The following COL5A3 variants were observed in gnomAD, a reference collection of about 807,000 sequenced individuals.
COL5A3 encodes the protein collagen alpha-3(V) chain.
Under a neutral mutation model 250.0 loss-of-function variants are expected in COL5A3, and 172 were observed. The observed-to-expected ratio is 0.69, with a 90% confidence interval of 0.61 to 0.78. The LOEUF (loss-of-function observed/expected upper bound fraction) is 0.78. Ranked by LOEUF, COL5A3 falls within the 30% of genes least tolerant of loss-of-function variation. COL5A3 has a pLI of 0.00. For synonymous variants in COL5A3, 937 were observed against 900.4 expected, an observed-to-expected ratio of 1.04 and a Z score of -0.73; for missense variants, 2,340 against 2,334.4, an observed-to-expected ratio of 1.00 and a Z score of -0.05.
At chr19:9,977,763 T>TCCA in intron 41 of COL5A3, 62 bp from the exon 42 acceptor site, 1 of 1,318,074 alleles carries the variant, frequency 7.6e-7, no homozygotes, top group Non-Finnish European at 1.0e-6. Flanking sequence ...ATGGAGGGTT[T>TCCA]TTAAGCCACC....
intron 27 of COL5A3, among the ~76,000 whole-genome samples, chr19:9,988,855 A>AGAG (rs1555738984): frequency 2.9e-5 from 3 of 104,766 alleles, no homozygotes; most frequent in African/African-American, 1.3e-4. Context: ...AAAAAAAAAA[A>AGAG]AAAGAAAGTA....
chr19:9,979,952 T>A, intron 36 of COL5A3, 42 bp downstream of exon 36: 3 of 1,576,240 alleles, frequency 1.9e-6, no homozygotes, highest in Non-Finnish European at 2.6e-6. Context: ...CCTTCCCACA[T>A]CCTCCACCCA....
Position 9,970,689 on chromosome 19 carries a change from G to T in COL5A3, c.3883-14C>A. On this transcript the variant is annotated splice_polypyrimidine_tract_variant and intron_variant, in intron 53 of 66. Coordinates refer to ENST00000264828, the MANE Select transcript of COL5A3 (RefSeq NM_015719.4). ...TCCAGGCGGACCCTGGAGGAGACAA[G>T]GACACCAGCTGTGGTCTCAGCTAAC... is the stretch of plus-strand genomic sequence containing the variant. 7.0e-7 allele frequency: 1 copy of T among 1,425,410 alleles called. No individual in the cohort carries two copies. Among genetic ancestry groups the T allele is most frequent in the Non-Finnish European group, 9.2e-7 (1 of 1,088,418 alleles). 88.3% of individuals were successfully genotyped at this position (1,425,410 alleles called of 1,614,324 possible). A position where few individuals can be genotyped will look rare whatever the true frequency, so the allele number is the denominator to read the frequency against.
At chr19:9,970,017 G>C in intron 54 of COL5A3, 95 bp from the exon 55 acceptor site, 4 of 849,544 alleles carry the variant, frequency 4.7e-6, no homozygotes, top group Non-Finnish European at 7.7e-6. Flanking sequence ...TGGATGAGTG[G>C]GGTCTGTAAG....
At chr19:9,967,487 A>G in intron 61 of COL5A3, 87 bp from the exon 62 acceptor site, 1 of 824,928 alleles carries the variant, frequency 1.2e-6, no homozygotes, top group Non-Finnish European at 1.9e-6. Flanking sequence ...ACACACTCAC[A>G]CACACACTCA....
Position 9,969,880 on chromosome 19 carries a change from T to C in COL5A3, c.3979A>G (p.Lys1327Glu), listed in dbSNP as rs1404858520. The change falls in exon 55 of 67, where the codon AAA (lysine) becomes GAA (glutamate). Residue 1327 changes from lysine to glutamate, a missense_variant. Lys to Glu is a moderately conservative substitution (Grantham distance 56). This residue lies in a region of COL5A3 where 1,179 missense variants were observed against 1,162.6 expected (regional missense o/e 1.01). Transcript: ENST00000264828. The stretch of plus-strand genomic sequence containing the variant: ...CCAGGGGGACTCACCTTGGCACCTT[T>C]CTCCCCTTCTCTGCCTTCTCGACCC... Reference protein sequence around the residue: ...HMGREGREGEKGAKGEPGPDG... With the variant: ...HMGREGREGEEGAKGEPGPDG... The C allele has an allele frequency of 6.8e-6, 11 of 1,613,546 alleles. No homozygotes were observed. The highest frequency in any genetic ancestry group is 1.3e-5 in the African/African-American group (1 of 74,794).
chr19:10,008,156 C>T (rs1255798345), intron 1 of COL5A3, among the ~76,000 whole-genome samples: 1 of 152,122 alleles, frequency 6.6e-6, no homozygotes, highest in Admixed American at 6.5e-5. Flanking sequence ...TGCCCCATCT[C>T]AGCCTGGGGC....
Position 10,010,409 on chromosome 19 carries a change from C to G in COL5A3, c.-24G>C. ...ATCCCGGCGGGGCCCACGGGCAAGGCGGGGAACCAGTCGGGGCGGCTGCGG... is the reference window on the plus strand; with the variant it reads ...ATCCCGGCGGGGCCCACGGGCAAGGGGGGGAACCAGTCGGGGCGGCTGCGG... On this transcript the variant is annotated 5_prime_UTR_variant, in exon 1 of 67. Coordinates refer to ENST00000264828, the MANE Select transcript of COL5A3 (RefSeq NM_015719.4). 1 of 1,376,438 alleles carries G rather than the reference C, an allele frequency of 7.3e-7. No individual in the cohort carries two copies. Among genetic ancestry groups the G allele is most frequent in the Non-Finnish European group, 9.4e-7 (1 of 1,058,790 alleles). The allele number at this position is 1,376,438 out of a possible 1,614,324, so 85.3% of individuals were successfully genotyped here. A position where few individuals can be genotyped will look rare whatever the true frequency, so the allele number is the denominator to read the frequency against.
rs764196879 is a variant in COL5A3, at chr19:9,981,166, GAGTT to G, written c.2461-38_2461-35del. The G allele has an allele frequency of 7.5e-6, 12 of 1,605,436 alleles. No homozygotes were observed. The East Asian group carries it at 2.5e-4, about 33-fold the overall frequency. ...GAATTGTAAGAGAGAAAGCAGAAGA[GAGTT>G]AGGGTGCAAAGGTATGACGCAAACA... On this transcript the variant is annotated intron_variant, in intron 32 of 66. Coordinates refer to ENST00000264828, the MANE Select transcript of COL5A3 (RefSeq NM_015719.4).
chr19:9,969,042 G>C (rs1034858433), intron 57 of COL5A3, among the ~76,000 whole-genome samples: 1 of 152,170 alleles, frequency 6.6e-6, no homozygotes, highest in Non-Finnish European at 1.5e-5. Flanking sequence ...CATCAAGGTG[G>C]AGTATTAGAG....
intron 8 of COL5A3, among the ~76,000 whole-genome samples, chr19:9,998,603 A>G (rs1224980861): frequency 6.6e-6 from 1 of 152,198 alleles, no homozygotes; most frequent in African/African-American, 2.4e-5. Context: ...CAAGTTAGTT[A>G]CAACTATGTG....
chr19:9,962,912 T>A, intron 64 of COL5A3, 25 bp from the exon 65 acceptor site: 1 of 1,576,452 alleles, frequency 6.3e-7, no homozygotes, highest in East Asian at 2.2e-5. Context: ...GGAGGGTCAC[T>A]GTAGCTGACG....
intron 24 of COL5A3, among the ~76,000 whole-genome samples, chr19:9,990,126 G>A (rs1266442483): frequency 6.6e-6 from 1 of 151,546 alleles, no homozygotes; most frequent in African/African-American, 2.4e-5. Context: ...GGGCGTGGTG[G>A]CTCATACCTG....
chr19:9,970,790 T>A (rs934690034), intron 53 of COL5A3, 115 bp from the exon 54 acceptor site: 2 of 1,020,378 alleles, frequency 2.0e-6, no homozygotes, highest in Non-Finnish European at 2.7e-6. Flanking sequence ...CAGCACCGGG[T>A]ACTCCCACCT....
At chr19:9,976,888 G>C (rs760749878) in intron 44 of COL5A3, among the ~76,000 whole-genome samples, 1 of 151,984 alleles carries the variant, frequency 6.6e-6, no homozygotes, top group Admixed American at 6.6e-5. Flanking sequence ...CATTCGGGGT[G>C]GGGGGAAGTT....
Position 9,968,419 on chromosome 19 carries a change from C to T in COL5A3, c.4280G>A (p.Gly1427Asp). ...CTTGGGACCAGGGGGTCCCTGCACG[C>T]CTGGCAACCCCTGATCTCCTTTCTC... ...AGEKGDQGLP[G>D]VQGPPGPKGD... is the part of the protein sequence containing the mutation. The change falls in exon 59 of 67, where the codon GGC becomes GAC. Residue 1427 changes from glycine to aspartate, a missense_variant. By Grantham distance (94) the Gly-to-Asp change is moderately conservative. Coordinates refer to ENST00000264828, the MANE Select transcript of COL5A3 (RefSeq NM_015719.4). The surrounding 1 kb of genome is among the most constrained non-coding windows in gnomAD (Gnocchi z 4.1). 6.3e-7 allele frequency: 1 copy of T among 1,591,622 alleles called. No individual in the cohort carries two copies. The highest frequency in any genetic ancestry group is 8.5e-7 in the Non-Finnish European group (1 of 1,174,404).
At chr19:9,971,053 G>T in intron 52 of COL5A3, 25 bp from the exon 53 acceptor site, 2 of 1,501,708 alleles carry the variant, frequency 1.3e-6, no homozygotes, top group Non-Finnish European at 1.8e-6. Flanking sequence ...GACAGAGTTG[G>T]GAGGGGTGAT....
intron 51 of COL5A3, among the ~76,000 whole-genome samples, chr19:9,972,480 T>TTCATTCAC (rs1313362901): frequency 6.6e-6 from 1 of 152,204 alleles, no homozygotes; most frequent in African/African-American, 2.4e-5. Context: ...CATTCATTCA[T>TTCATTCAC]CCGTGTTCTG....
chr19:9,992,101 A>ATCTCTCGGT, intron 21 of COL5A3, 53 bp from the exon 22 acceptor site: 1 of 1,506,106 alleles, frequency 6.6e-7, no homozygotes, highest in Non-Finnish European at 9.2e-7. Context: ...TGGGAGCCTG[A>ATCTCTCGGT]GTCTGAGACA....
Sources: allele counts gnomAD v4.1 joint callset (sites outside exome capture counted in the v4.1 genomes callset), GRCh38; gene constraint gnomAD v4.1.1; regional missense constraint gnomAD v4.1.1; non-coding constraint Gnocchi (gnomAD v3.1); transcripts MANE v1.5; gene names NCBI Gene and HGNC (gene_info 2026-07-23, HGNC 2026-07-21).